Variants in RGS7BP observed in about 807,000 individuals in gnomAD.
RGS7BP encodes the protein regulator of G protein signaling 7-binding protein.
RGS7BP carries 9 observed loss-of-function variants against 31.3 expected under a neutral mutation model. That is an observed-to-expected ratio of 0.29 (90% CI 0.17 to 0.50). The LOEUF is 0.50. Ranked by LOEUF, RGS7BP falls within the 20% of genes least tolerant of loss-of-function variation. The probability of loss-of-function intolerance (pLI) is 0.98; values close to 1 mark genes in which losing one functional copy is unlikely to be tolerated. For missense variants in RGS7BP, 274 were observed against 322.0 expected (o/e 0.85, Z 1.14); for synonymous variants, 115 against 120.1 (o/e 0.96, Z 0.28).
intron 2 of RGS7BP, among the ~76,000 whole-genome samples, chr5:64,570,255 C>T (rs1449079958): frequency 1.3e-5 from 2 of 152,030 alleles, no homozygotes; most frequent in African/African-American, 4.8e-5. Flanking sequence ...AACTTCTTAC[C>T]ATCCTTTGCC....
chr5:64,540,397 A>T (rs1346494118), intron 2 of RGS7BP, among the ~76,000 whole-genome samples: 3 of 152,160 alleles, frequency 2.0e-5, no homozygotes, highest in Non-Finnish European at 2.9e-5. Flanking sequence ...CCAACCAAAC[A>T]AGCAGCAGTG....
At chr5:64,561,845 G>A (rs1742063997) in intron 2 of RGS7BP, among the ~76,000 whole-genome samples, 1 of 148,142 alleles carries the variant, frequency 6.8e-6, no homozygotes, top group Non-Finnish European at 1.5e-5. Context: ...CTGCCCATAT[G>A]TCTGTCTGCC....
chr5:64,529,194 C>A (rs1054095953), intron 2 of RGS7BP, among the ~76,000 whole-genome samples: 3 of 151,992 alleles, frequency 2.0e-5, no homozygotes, highest in East Asian at 3.9e-4. Flanking sequence ...TAAAAATAGT[C>A]CAAGGTCTGA....
intron 2 of RGS7BP, among the ~76,000 whole-genome samples, chr5:64,511,432 G>A (rs1748829218): frequency 6.6e-6 from 1 of 152,166 alleles, no homozygotes; most frequent in Non-Finnish European, 1.5e-5. Flanking sequence ...AAGCTAAGAG[G>A]GGCCTTAAAG....
intron 2 of RGS7BP, among the ~76,000 whole-genome samples, chr5:64,516,227 C>T (rs1748971017): frequency 6.6e-6 from 1 of 152,204 alleles, no homozygotes; most frequent in Non-Finnish European, 1.5e-5. Flanking sequence ...AGTTTGAGCA[C>T]AAGGGGAAAT....
At chr5:64,587,994 A>ATAAAGGAGATAC (rs1742804053) in intron 3 of RGS7BP, among the ~76,000 whole-genome samples, 1 of 152,240 alleles carries the variant, frequency 6.6e-6, no homozygotes, top group Admixed American at 6.5e-5. Flanking sequence ...TTTAAGGAAA[A>ATAAAGGAGATAC]CAAACACTAT....
At chr5:64,521,527 G>A (rs1038817934) in intron 2 of RGS7BP, among the ~76,000 whole-genome samples, 15 of 152,254 alleles carry the variant, frequency 9.9e-5, no homozygotes, top group Admixed American at 3.3e-4. Flanking sequence ...AAAGTGCTGG[G>A]ATTACAGGCA....
intron 2 of RGS7BP, among the ~76,000 whole-genome samples, chr5:64,548,895 A>G (rs1293545067): frequency 6.7e-6 from 1 of 149,420 alleles, no homozygotes; most frequent in Non-Finnish European, 1.5e-5. Flanking sequence ...CTTCCCAAAG[A>G]CCTCATCACT....
At chr5:64,590,044 A>T (rs994228156) in intron 3 of RGS7BP, among the ~76,000 whole-genome samples, 1 of 151,976 alleles carries the variant, frequency 6.6e-6, no homozygotes, top group African/African-American at 2.4e-5. Flanking sequence ...TTAAATATAG[A>T]CTATATATTA....
At chr5:64,527,286 G>T (rs1749254349) in intron 2 of RGS7BP, among the ~76,000 whole-genome samples, 1 of 152,150 alleles carries the variant, frequency 6.6e-6, no homozygotes, top group Non-Finnish European at 1.5e-5. Flanking sequence ...AGCCCCCAGG[G>T]AGTTTTTTAA....
At chr5:64,516,211 A>G (rs1405088574) in intron 2 of RGS7BP, among the ~76,000 whole-genome samples, 1 of 152,246 alleles carries the variant, frequency 6.6e-6, no homozygotes, top group Admixed American at 6.5e-5. Context: ...AAACTACACC[A>G]ATCTGAGTTT....
At chr5:64,574,431 A>G (rs999124099) in intron 2 of RGS7BP, among the ~76,000 whole-genome samples, 16 of 152,170 alleles carry the variant, frequency 1.1e-4, no homozygotes, top group Non-Finnish European at 2.1e-4. Context: ...CCCCAGAGAT[A>G]CTTTTGCTTC....
intron 5 of RGS7BP, among the ~76,000 whole-genome samples, chr5:64,600,999 C>T (rs1052974729): frequency 2.0e-5 from 3 of 152,118 alleles, no homozygotes; most frequent in Non-Finnish European, 2.9e-5. Context: ...AATTCCTTTC[C>T]GGAATTCTTT....
At chr5:64,511,158 G>A (rs1748822359) in intron 2 of RGS7BP, among the ~76,000 whole-genome samples, 1 of 152,220 alleles carries the variant, frequency 6.6e-6, no homozygotes, top group Non-Finnish European at 1.5e-5. Context: ...AACCCTCAAG[G>A]AATGGTGGAG....
intron 2 of RGS7BP, among the ~76,000 whole-genome samples, chr5:64,544,111 C>T (rs1340296086): frequency 2.6e-5 from 4 of 152,172 alleles, no homozygotes; most frequent in Non-Finnish European, 5.9e-5. Flanking sequence ...GGTTAACTTA[C>T]TCTTCATTCA....
At chr5:64,584,139 A>G (rs1393676112) in intron 3 of RGS7BP, among the ~76,000 whole-genome samples, 1 of 152,204 alleles carries the variant, frequency 6.6e-6, no homozygotes, top group African/African-American at 2.4e-5. Context: ...AGGGCATATC[A>G]AATGGAGAAA....
intron 2 of RGS7BP, among the ~76,000 whole-genome samples, chr5:64,557,995 C>T (rs1017326012): frequency 9.2e-5 from 14 of 151,968 alleles, no homozygotes; most frequent in African/African-American, 3.4e-4. Flanking sequence ...GAGTGCAAAC[C>T]AAATAGGATT....
In RGS7BP at chr5:64,551,267, A is replaced by T. The variant is rs866366251; in HGVS notation, c.333-24507A>T. On this transcript the variant is annotated intron_variant, in intron 2 of 5. Transcript: ENST00000334025. ...TATTTTTTTATTTATTTTTTATTTT[A>T]TTTTTTTTTTTTTGAGATGGAGTCT... Among the ~76,000 whole-genome samples, 1,062 of 140,532 alleles carry T rather than the reference A, an allele frequency of 7.6e-3. 26 individuals carry two copies. Among genetic ancestry groups the T allele is most frequent in the African/African-American group, 0.023 (880 of 38,278 alleles). 92.2% of individuals were successfully genotyped at this position (140,532 alleles called of 152,430 possible).
rs1239662470 is a variant in RGS7BP, at chr5:64,506,460, CCTT to C, written c.-163_-161del. The C allele has an allele frequency of 6.0e-6, 3 of 503,388 alleles. No homozygotes were observed. The highest frequency in any genetic ancestry group is 1.0e-5 in the Non-Finnish European group (3 of 286,588). The allele number at this position is 503,388 out of a possible 1,614,324, so 31.2% of individuals were successfully genotyped here. A position where few individuals can be genotyped will look rare whatever the true frequency, so the allele number is the denominator to read the frequency against. Reference sequence around the variant, plus strand: ...GCACAGCTAGCGCTTCCCCGGCTCTCCTTCAAGCTGAAGGTTACCGACCCGCGC... The same window carrying C: ...GCACAGCTAGCGCTTCCCCGGCTCTCCAAGCTGAAGGTTACCGACCCGCGC... On this transcript the variant is annotated 5_prime_UTR_variant, in exon 1 of 6. Transcript: ENST00000334025. This position sits in a 1 kb window ranked among gnomAD's most constrained non-coding sequence, Gnocchi z 4.6.
Sources: allele counts gnomAD v4.1 joint callset (sites outside exome capture counted in the v4.1 genomes callset), GRCh38; gene constraint gnomAD v4.1.1; non-coding constraint Gnocchi (gnomAD v3.1); transcripts MANE v1.5; gene names NCBI Gene and HGNC (gene_info 2026-07-23, HGNC 2026-07-21).